The following HS2ST1 variants were observed in gnomAD, a reference collection of about 807,000 sequenced individuals.
HS2ST1 encodes heparan sulfate 2-O-sulfotransferase 1, also known as 2-O-sulfotransferase.
Under a neutral mutation model 42.9 loss-of-function variants are expected in HS2ST1, and 18 were observed. The observed-to-expected ratio is 0.42, with a 90% confidence interval of 0.29 to 0.62. The LOEUF (loss-of-function observed/expected upper bound fraction) is 0.62. Among genes scored for constraint, HS2ST1 ranks in the 20% least tolerant of loss-of-function variants. HS2ST1 has a pLI of 0.21. For missense variants in HS2ST1, 334 were observed against 433.8 expected (o/e 0.77, Z 2.04); for synonymous variants, 146 against 152.9 (o/e 0.95, Z 0.33).
chr1:87,073,219 A>G, intron 2 of HS2ST1, 47 bp downstream of exon 2: 1 of 1,310,588 alleles, frequency 7.6e-7, no homozygotes, highest in Non-Finnish European at 1.1e-6. Flanking sequence ...ATACTTCCTC[A>G]CTCAAATTTT....
intron 1 of HS2ST1, among the ~76,000 whole-genome samples, chr1:86,938,132 A>G (rs976991967): frequency 7.2e-5 from 11 of 152,156 alleles, no homozygotes; most frequent in African/African-American, 9.6e-5. Flanking sequence ...CTTCTTATTT[A>G]AGGAAAGATT....
At chr1:87,021,837 C>T (rs1557518575) in intron 1 of HS2ST1, among the ~76,000 whole-genome samples, 3 of 152,062 alleles carry the variant, frequency 2.0e-5, no homozygotes, top group South Asian at 2.1e-4. Flanking sequence ...TTCATACCAC[C>T]GATGATACTT....
chr1:87,011,395 A>G (rs1649594711), intron 1 of HS2ST1, among the ~76,000 whole-genome samples: 1 of 151,976 alleles, frequency 6.6e-6, no homozygotes. Context: ...GGTGCACACC[A>G]CCACACCCAG....
chr1:86,976,493 T>G (rs1452338248), intron 1 of HS2ST1, among the ~76,000 whole-genome samples: 2 of 151,810 alleles, frequency 1.3e-5, no homozygotes, highest in Non-Finnish European at 2.9e-5. Flanking sequence ...TAGGTATAAT[T>G]AGAATTGATT....
chr1:86,974,420 G>C (rs777430769), intron 1 of HS2ST1, among the ~76,000 whole-genome samples: 1 of 152,128 alleles, frequency 6.6e-6, no homozygotes, highest in African/African-American at 2.4e-5. Context: ...TCTTCCATTT[G>C]GCTGTTTCTG....
intron 1 of HS2ST1, among the ~76,000 whole-genome samples, chr1:87,068,949 C>T (rs72955569): frequency 0.025 from 3,842 of 152,194 alleles, 92 homozygotes; most frequent in African/African-American, 0.055. Context: ...TCCCTCAACT[C>T]CTGAGTAGCA....
chr1:86,976,815 A>C (rs1648423908), intron 1 of HS2ST1, among the ~76,000 whole-genome samples: 1 of 148,178 alleles, frequency 6.7e-6, no homozygotes, highest in Non-Finnish European at 1.5e-5. Flanking sequence ...TCATACTTGT[A>C]ATACCAGCAC....
At chr1:86,964,556 C>T (rs1411645391) in intron 1 of HS2ST1, among the ~76,000 whole-genome samples, 1 of 152,200 alleles carries the variant, frequency 6.6e-6, no homozygotes, top group African/African-American at 2.4e-5. Flanking sequence ...GAGAATCAGG[C>T]AGGGAGGTTG....
intron 1 of HS2ST1, among the ~76,000 whole-genome samples, chr1:87,055,714 A>G (rs72723927): frequency 0.029 from 4,409 of 152,282 alleles, 89 homozygotes; most frequent in Non-Finnish European, 0.047. Context: ...CTAAGATGTT[A>G]GTTGCCTTTT....
rs1413099470 is a variant in HS2ST1, at chr1:86,985,383, T to TATATATACACACAC, written c.124+70224_124+70225insTATATACACACACA. Among the ~76,000 whole-genome samples, 5 of 44,752 alleles carry TATATATACACACAC rather than the reference T, an allele frequency of 1.1e-4. 1 individual carries two copies. Among genetic ancestry groups the TATATATACACACAC allele is most frequent in the African/African-American group, 2.5e-4 (5 of 19,726 alleles). The allele number at this position is 44,752 out of a possible 152,430, so 29.4% of individuals were successfully genotyped here. A position where few individuals can be genotyped will look rare whatever the true frequency, so the allele number is the denominator to read the frequency against. On this transcript the variant is annotated intron_variant, in intron 1 of 6. Coordinates refer to ENST00000370550, the MANE Select transcript of HS2ST1 (RefSeq NM_012262.4). ...AAAAAAAAAAGTATATATATATATA[T>TATATATACACACAC]ACACACACACACACACATATATATA...
At chr1:87,036,780 C>CTGAA (rs1184297025) in intron 1 of HS2ST1, among the ~76,000 whole-genome samples, 4 of 152,082 alleles carry the variant, frequency 2.6e-5, no homozygotes, top group Non-Finnish European at 2.9e-5. Context: ...TTCTCATTTG[C>CTGAA]TGAATGAATG....
At chr1:87,041,185 G>A (rs903468322) in intron 1 of HS2ST1, among the ~76,000 whole-genome samples, 15 of 109,316 alleles carry the variant, frequency 1.4e-4, no homozygotes, top group African/African-American at 2.1e-4. Flanking sequence ...AATAAAAGAA[G>A]CAATACAATC....
At chr1:86,974,645 G>C (rs1469023118) in intron 1 of HS2ST1, among the ~76,000 whole-genome samples, 2 of 152,196 alleles carry the variant, frequency 1.3e-5, no homozygotes, top group African/African-American at 2.4e-5. Context: ...CCTTTAAGCT[G>C]TGGGTTCTGC....
At chr1:87,011,054 G>A (rs1336885113) in intron 1 of HS2ST1, among the ~76,000 whole-genome samples, 2 of 152,100 alleles carry the variant, frequency 1.3e-5, no homozygotes, top group Non-Finnish European at 2.9e-5. Context: ...CCAAAGTGCT[G>A]GGATTATAGG....
chr1:86,987,461 A>G (rs951050469), intron 1 of HS2ST1, among the ~76,000 whole-genome samples: 2 of 152,166 alleles, frequency 1.3e-5, no homozygotes, highest in South Asian at 2.1e-4. Context: ...TAGGAGGGCT[A>G]AAGGAGCAGG....
intron 3 of HS2ST1, among the ~76,000 whole-genome samples, chr1:87,091,462 A>T (rs910998402): frequency 1.3e-4 from 20 of 152,050 alleles, no homozygotes; most frequent in African/African-American, 4.8e-4. Flanking sequence ...CATATCGATA[A>T]ATCAGTAGAG....
At chr1:87,091,308 A>G (rs1267148399) in intron 3 of HS2ST1, among the ~76,000 whole-genome samples, 1 of 152,054 alleles carries the variant, frequency 6.6e-6, no homozygotes, top group Non-Finnish European at 1.5e-5. Context: ...TTGATATGGG[A>G]GGAGATAAAA....
At chr1:86,960,902 A>G (rs1015867900) in intron 1 of HS2ST1, among the ~76,000 whole-genome samples, 10 of 152,194 alleles carry the variant, frequency 6.6e-5, no homozygotes, top group African/African-American at 2.2e-4. Context: ...ATGATCCAGC[A>G]GTCATGTTCC....
chr1:87,042,037 C>T (rs1650536218), intron 1 of HS2ST1, among the ~76,000 whole-genome samples: 1 of 151,944 alleles, frequency 6.6e-6, no homozygotes, highest in Non-Finnish European at 1.5e-5. Flanking sequence ...AAAGCATTTT[C>T]CTTATTATTG....
Sources: gnomAD v4.1 joint callset for allele counts (sites outside exome capture counted in the v4.1 genomes callset) on GRCh38, gnomAD v4.1.1 for gene constraint, MANE v1.5 for transcripts, NCBI Gene and HGNC (gene_info 2026-07-23, HGNC 2026-07-21) for gene names.